PLCB1: variants seen among roughly 807,000 people sequenced by gnomAD.
PLCB1 encodes the protein 1-phosphatidylinositol 4,5-bisphosphate phosphodiesterase beta-1.
PLCB1 carries 46 observed loss-of-function variants against 161.8 expected under a neutral mutation model. That is an observed-to-expected ratio of 0.28 (90% confidence interval 0.22 to 0.36). The LOEUF (loss-of-function observed/expected upper bound fraction) is 0.36. Among genes scored for constraint, PLCB1 ranks in the 10% least tolerant of loss-of-function variants. PLCB1 has a pLI of 1.00. For missense variants in PLCB1, 1,016 were observed against 1,472.5 expected (o/e 0.69, Z 5.07); for synonymous variants, 517 against 503.7 (o/e 1.03, Z -0.35).
chr20:8,741,623 C>A (rs373028026), intron 23 of PLCB1, 50 bp downstream of exon 23: 11 of 1,224,386 alleles, frequency 9.0e-6, no homozygotes, highest in African/African-American at 6.0e-5. Context: ...GATCACCACA[C>A]CTACTTGTTG....
intron 2 of PLCB1, among the ~76,000 whole-genome samples, chr20:8,191,869 G>A (rs6118096): frequency 0.018 from 2,757 of 152,030 alleles, 102 homozygotes; most frequent in African/African-American, 0.063. Flanking sequence ...CAAAGGTGAT[G>A]ATTACTGGCA....
intron 2 of PLCB1, among the ~76,000 whole-genome samples, chr20:8,240,304 A>ACACACG (rs757143513): frequency 7.1e-4 from 106 of 149,952 alleles, no homozygotes; most frequent in African/African-American, 2.5e-3. Flanking sequence ...ACACACACAC[A>ACACACG]CGCACACACA....
chr20:8,474,999 TCACACACACAGA>T (rs1982209692), intron 3 of PLCB1, among the ~76,000 whole-genome samples: 1 of 141,542 alleles, frequency 7.1e-6, no homozygotes, highest in South Asian at 2.2e-4. Context: ...AAAAACAAGA[TCACACACACAGA>T]CACACACACA....
chr20:8,508,977 A>C (rs927627579), intron 3 of PLCB1, among the ~76,000 whole-genome samples: 1 of 152,120 alleles, frequency 6.6e-6, no homozygotes, highest in South Asian at 2.1e-4. Context: ...CATTTAAGAA[A>C]AATTCTTTCA....
At chr20:8,313,621 C>G (rs924815852) in intron 2 of PLCB1, among the ~76,000 whole-genome samples, 1 of 152,128 alleles carries the variant, frequency 6.6e-6, no homozygotes, top group African/African-American at 2.4e-5. Context: ...AATATACATA[C>G]ATAGGAAATT....
chr20:8,230,390 C>T (rs892158875), intron 2 of PLCB1, among the ~76,000 whole-genome samples: 9 of 151,994 alleles, frequency 5.9e-5, no homozygotes, highest in Non-Finnish European at 1.0e-4. Context: ...CAACATTTAT[C>T]ATTTTTTGTG....
At chr20:8,875,497 CATAT>C (rs3035010) in intron 31 of PLCB1, among the ~76,000 whole-genome samples, 27 of 146,394 alleles carry the variant, frequency 1.8e-4, no homozygotes, top group South Asian at 2.1e-4. Context: ...ATTTATATAA[CATAT>C]AAAATATTTT....
chr20:8,278,090 G>A (rs1982667894), intron 2 of PLCB1, among the ~76,000 whole-genome samples: 1 of 151,830 alleles, frequency 6.6e-6, no homozygotes, highest in South Asian at 2.1e-4. Flanking sequence ...AGGGACTAGT[G>A]CAATAAATGC....
intron 3 of PLCB1, among the ~76,000 whole-genome samples, chr20:8,430,924 G>A (rs1003586753): frequency 1.3e-5 from 2 of 152,080 alleles, no homozygotes; most frequent in Admixed American, 6.6e-5. Context: ...CACCACTTGC[G>A]CTCTAGCCTG....
chr20:8,295,391 G>C (rs2123309759), intron 2 of PLCB1, among the ~76,000 whole-genome samples: 1 of 152,128 alleles, frequency 6.6e-6, no homozygotes, highest in Admixed American at 6.6e-5. Context: ...TTAAAATTTT[G>C]TAACTTTCAT....
intron 31 of PLCB1, among the ~76,000 whole-genome samples, chr20:8,819,431 C>A (rs190133345): frequency 6.6e-6 from 1 of 152,000 alleles, no homozygotes; most frequent in Non-Finnish European, 1.5e-5. Context: ...ATGTAGAATA[C>A]CTTTGTGCAT....
chr20:8,722,587 A>ATGTGTTG (rs1319164800), intron 15 of PLCB1, among the ~76,000 whole-genome samples, 166 bp downstream of exon 15: 9 of 152,276 alleles, frequency 5.9e-5, no homozygotes, highest in Non-Finnish European at 1.3e-4. Context: ...AATGTTCCAC[A>ATGTGTTG]ATCCGGAGAA....
At chr20:8,725,606 A>G (rs990942413) in intron 16 of PLCB1, among the ~76,000 whole-genome samples, 2 of 152,306 alleles carry the variant, frequency 1.3e-5, no homozygotes, top group Admixed American at 6.5e-5. Context: ...AAAGAATTCA[A>G]CTTCCAAGAG....
chr20:8,729,276 GAAAA>G (rs113944946), intron 18 of PLCB1, 102 bp downstream of exon 18: 1 of 1,113,822 alleles, frequency 9.0e-7, no homozygotes, highest in Non-Finnish European at 1.2e-6. Flanking sequence ...AGACTTCACT[GAAAA>G]AATAAATAAA....
chr20:8,646,892 A>G (rs1200103683), intron 5 of PLCB1, among the ~76,000 whole-genome samples: 2 of 152,184 alleles, frequency 1.3e-5, no homozygotes, highest in African/African-American at 4.8e-5. Context: ...CTTTAAATCA[A>G]AACCACAAGT....
chr20:8,781,762 G>A (rs1320070794), intron 27 of PLCB1, among the ~76,000 whole-genome samples: 3 of 152,278 alleles, frequency 2.0e-5, no homozygotes, highest in South Asian at 2.1e-4. Flanking sequence ...CACGTCTGAC[G>A]TGGATGGCGG....
At chr20:8,734,998 A>G (rs1044443267) in intron 19 of PLCB1, among the ~76,000 whole-genome samples, 4 of 152,206 alleles carry the variant, frequency 2.6e-5, no homozygotes, top group Non-Finnish European at 4.4e-5. Context: ...TCATAATTAT[A>G]TCTTTTGAAA....
At chr20:8,412,680 T>G (rs1979096160) in intron 3 of PLCB1, among the ~76,000 whole-genome samples, 1 of 152,124 alleles carries the variant, frequency 6.6e-6, no homozygotes, top group African/African-American at 2.4e-5. Flanking sequence ...ATCCTGAAGA[T>G]TCATATGAAG....
intron 3 of PLCB1, among the ~76,000 whole-genome samples, chr20:8,572,301 G>T (rs1986547992): frequency 6.6e-6 from 1 of 152,146 alleles, no homozygotes; most frequent in Non-Finnish European, 1.5e-5. Context: ...GCTTACTTAT[G>T]AGAAAGGAAG....
Sources: allele counts gnomAD v4.1 joint callset (sites outside exome capture counted in the v4.1 genomes callset), GRCh38; gene constraint gnomAD v4.1.1; transcripts MANE v1.5; gene names NCBI Gene and HGNC (gene_info 2026-07-23, HGNC 2026-07-21).